The following ADAMTSL1 variants were observed in gnomAD, a reference collection of about 807,000 sequenced individuals.
ADAMTSL1 encodes the protein ADAMTS-like protein 1.
In ADAMTSL1, 126 loss-of-function variants were observed where a neutral mutation model predicts 201.8. The observed-to-expected ratio is 0.62, with a 90% CI of 0.54 to 0.72. The LOEUF is 0.72. ADAMTSL1 is among the 30% of genes least tolerant of loss of function. The pLI, the probability that ADAMTSL1 is intolerant of heterozygous loss-of-function variation, is 0.00. For missense variants in ADAMTSL1, 2,679 were observed against 2,277.8 expected, an observed-to-expected ratio of 1.18 and a Z score of -3.59; for synonymous variants, 1,121 against 903.4, an observed-to-expected ratio of 1.24 and a Z score of -4.32.
intron 2 of ADAMTSL1, among the ~76,000 whole-genome samples, chr9:18,180,548 A>AC (rs1477263382): frequency 1.4e-4 from 19 of 138,730 alleles, no homozygotes; most frequent in Non-Finnish European, 2.3e-4. Context: ...AAAAAAAAAA[A>AC]AAAAAAATAC....
intron 2 of ADAMTSL1, among the ~76,000 whole-genome samples, chr9:18,249,355 A>C (rs1212869723): frequency 6.6e-6 from 1 of 152,234 alleles, no homozygotes; most frequent in Non-Finnish European, 1.5e-5. Flanking sequence ...CTAAGTCTAT[A>C]GAAAGTTATC....
chr9:18,565,409 C>T (rs1167132275), intron 3 of ADAMTSL1, among the ~76,000 whole-genome samples: 1 of 152,020 alleles, frequency 6.6e-6, no homozygotes, highest in Admixed American at 6.6e-5. Context: ...ACTCATTTCC[C>T]TTGAATATGT....
intron 1 of ADAMTSL1, among the ~76,000 whole-genome samples, chr9:17,952,109 T>C (rs1320050960): frequency 6.6e-6 from 1 of 151,068 alleles, no homozygotes; most frequent in Non-Finnish European, 1.5e-5. Context: ...GCTAATTGGT[T>C]TCTTTCTTTC....
At chr9:18,675,720 T>G in intron 9 of ADAMTSL1, 137 bp from the exon 10 acceptor site, 1 of 749,674 alleles carries the variant, frequency 1.3e-6, no homozygotes, top group Non-Finnish European at 2.2e-6. Flanking sequence ...ATAAAACTGT[T>G]TTAGTGTTGT....
At chr9:17,930,362 A>T (rs1224509450) in intron 1 of ADAMTSL1, among the ~76,000 whole-genome samples, 1 of 152,132 alleles carries the variant, frequency 6.6e-6, no homozygotes, top group Non-Finnish European at 1.5e-5. Context: ...TCTTGGGGGT[A>T]GTCCTGGGAG....
chr9:18,676,582 C>T lies in ADAMTSL1; in HGVS notation c.1136+675C>T, dbSNP rs148245172. Among the ~76,000 whole-genome samples the T allele has an allele frequency of 1.3e-3, 198 of 151,838 alleles. 3 individuals are homozygous for T. The highest frequency in any genetic ancestry group is 9.9e-3 in the Admixed American group (151 of 15,226). ...CTTTATAATATATTCATAAGAAAAC[C>T]GGAGAAGCTGAAAAATACTCTAGCT... On this transcript the variant is annotated intron_variant, in intron 10 of 28. Coordinates refer to ENST00000380548, the MANE Select transcript of ADAMTSL1 (RefSeq NM_001040272.6).
intron 13 of ADAMTSL1, among the ~76,000 whole-genome samples, chr9:18,689,594 C>G (rs866744059): frequency 4.6e-5 from 7 of 152,288 alleles, no homozygotes; most frequent in Middle Eastern, 6.8e-3. Flanking sequence ...ATCTCCAAAA[C>G]AAGGCATCCC....
At chr9:18,465,642 C>T (rs946689376) in intron 2 of ADAMTSL1, among the ~76,000 whole-genome samples, 1 of 152,172 alleles carries the variant, frequency 6.6e-6, no homozygotes, top group Admixed American at 6.5e-5. Flanking sequence ...CCAAGAGAGG[C>T]TAAGAAATGT....
chr9:18,872,635 A>G lies in ADAMTSL1; in HGVS notation c.4250-15196A>G, dbSNP rs146482465. Among the ~76,000 whole-genome samples, 52 of 152,320 alleles carry G rather than the reference A, an allele frequency of 3.4e-4. No individual in the cohort carries two copies. In the East Asian group the frequency reaches 9.6e-3, roughly 28 times the overall value. ...ACTTCGCTTAGAATAGTGGTCTCCA[A>G]TTCCATTCAGGTTGCTGCAAATGCC... On this transcript the variant is annotated intron_variant, in intron 23 of 28. Transcript: ENST00000380548.
chr9:17,960,858 G>A (rs561352628), intron 1 of ADAMTSL1, among the ~76,000 whole-genome samples: 3 of 152,152 alleles, frequency 2.0e-5, no homozygotes, highest in East Asian at 1.9e-4. Flanking sequence ...TAGTAAATGC[G>A]CAGTGAACAG....
chr9:18,128,374 T>C (rs1215139495), intron 1 of ADAMTSL1, among the ~76,000 whole-genome samples: 4 of 152,278 alleles, frequency 2.6e-5, no homozygotes, highest in East Asian at 1.9e-4. Context: ...TAATTTTTTT[T>C]CCCTGGAGAC....
intron 2 of ADAMTSL1, among the ~76,000 whole-genome samples, chr9:18,300,302 T>A (rs1425191087): frequency 6.6e-6 from 1 of 152,168 alleles, no homozygotes; most frequent in East Asian, 1.9e-4. Context: ...TGAGTTTATG[T>A]CCTTTGCAGG....
At chr9:18,451,283 A>G (rs114768029) in intron 2 of ADAMTSL1, among the ~76,000 whole-genome samples, 1,963 of 152,348 alleles carry the variant, frequency 0.013, 43 homozygotes, top group African/African-American at 0.045. Flanking sequence ...CTAGTATACC[A>G]ATTTTTATGG....
chr9:18,833,969 TG>T (rs1207641501), intron 23 of ADAMTSL1, among the ~76,000 whole-genome samples: 1 of 152,190 alleles, frequency 6.6e-6, no homozygotes, highest in Admixed American at 6.5e-5. Flanking sequence ...TTCTTGTTTT[TG>T]TCAGTTTATC....
chr9:18,504,898 T>C lies in ADAMTSL1; in HGVS notation c.133T>C (p.Cys45Arg). Residue 45 changes from cysteine to arginine, a missense_variant, in exon 2 of 29, where the codon TGC becomes CGC. Transcript: ENST00000380548. ...GGATGCCTGGGGCCCATGGAGTGAA[T>C]GCTCACGCACCTGCGGGGGTGGGGC... The part of the protein sequence containing the change: ...LWDAWGPWSE[C>R]SRTCGGGASY... 7 of 1,613,340 alleles carry C rather than the reference T, an allele frequency of 4.3e-6. No homozygotes were observed. Among genetic ancestry groups the C allele is most frequent in the Non-Finnish European group, 5.1e-6 (6 of 1,179,770 alleles).
In ADAMTSL1 at chr9:18,892,428, T is replaced by C. The variant is rs763929573; in HGVS notation, c.4683T>C (p.Cys1561=). The part of the protein sequence containing the change: ...VTSWSACTRS[C]GGGVQTRRVT... ...CCTGGTCTGCCTGTACCCGGAGCTG[T>C]GGGGGAGGTGTCCAGACCCGCAGGG... The change falls in exon 26 of 29, where the codon TGT becomes TGC. Residue 1561 remains cysteine, a synonymous_variant. Transcript: ENST00000380548. 4 of 1,613,604 alleles carry C rather than the reference T, an allele frequency of 2.5e-6. No individual in the cohort carries two copies. The highest frequency in any genetic ancestry group is 2.7e-5 in the African/African-American group (2 of 75,046).
At chr9:18,363,418 A>G (rs1386913236) in intron 2 of ADAMTSL1, among the ~76,000 whole-genome samples, 1 of 152,238 alleles carries the variant, frequency 6.6e-6, no homozygotes, top group Non-Finnish European at 1.5e-5. Context: ...GGGAGACAGC[A>G]TGGAAAGAAC....
chr9:17,988,918 T>C (rs181076524), intron 1 of ADAMTSL1, among the ~76,000 whole-genome samples: 15 of 152,090 alleles, frequency 9.9e-5, no homozygotes, highest in African/African-American at 3.4e-4. Context: ...TTAGGCATTT[T>C]TTCCCCCAAT....
chr9:18,078,743 C>T (rs1823341344), intron 1 of ADAMTSL1, among the ~76,000 whole-genome samples: 2 of 152,068 alleles, frequency 1.3e-5, no homozygotes, highest in African/African-American at 4.8e-5. Flanking sequence ...TCCTAGATTT[C>T]CAGAAGCCCA....
Sources: gnomAD v4.1 joint callset for allele counts (sites outside exome capture counted in the v4.1 genomes callset) on GRCh38, gnomAD v4.1.1 for gene constraint, MANE v1.5 for transcripts, NCBI Gene and HGNC (gene_info 2026-07-23, HGNC 2026-07-21) for gene names.